The following ZSCAN5A variants were observed in gnomAD, a reference collection of about 807,000 sequenced individuals.
ZSCAN5A encodes the protein zinc finger and SCAN domain-containing protein 5A.
A neutral mutation model predicts 23.7 loss-of-function variants in ZSCAN5A; 12 were observed. The observed-to-expected ratio is 0.51, with a 90% CI of 0.32 to 0.82. The LOEUF is 0.82. Ranked by LOEUF, ZSCAN5A falls within the 40% of genes least tolerant of loss-of-function variation. ZSCAN5A has a pLI of 0.03. For missense variants in ZSCAN5A, 597 were observed against 617.9 expected, an observed-to-expected ratio of 0.97 and a Z score of 0.36; for synonymous variants, 257 against 239.9, an observed-to-expected ratio of 1.07 and a Z score of -0.66.
At chr19:56,260,023 A>G (rs1270620378) in intron 2 of ZSCAN5A, among the ~76,000 whole-genome samples, 1 of 152,196 alleles carries the variant, frequency 6.6e-6, no homozygotes, top group Admixed American at 6.5e-5. Context: ...AATGTTTTTA[A>G]AAAGAAAAAA....
chr19:56,247,438 T>C, intron 2 of ZSCAN5A: 1 of 173,004 alleles, frequency 5.8e-6, no homozygotes, highest in South Asian at 1.5e-4. Context: ...GCCTGAAACG[T>C]TAAAATACCA....
Position 56,223,738 on chromosome 19 carries a change from C to G in ZSCAN5A, c.481G>C (p.Val161Leu), listed in dbSNP as rs368509037. The G allele has an allele frequency of 1.2e-6, 2 of 1,613,928 alleles. No homozygotes were observed. The highest frequency in any genetic ancestry group is 1.6e-4 in the Middle Eastern group (1 of 6,062). Reference sequence around the variant, plus strand: ...ACCGAGGAGGCCCGTTGGCTGGACACGTCTTTCAGATCATCTCTGACACTG... The same window carrying G: ...ACCGAGGAGGCCCGTTGGCTGGACAGGTCTTTCAGATCATCTCTGACACTG... ...PSSVRDDLKD[V>L]SSQRASSVNQ... is the part of the protein sequence containing the mutation. Residue 161 changes from valine (V) to leucine (L), a missense_variant, in exon 4 of 6, where the codon GTG becomes CTG. Physicochemically the swap from Val to Leu is conservative, Grantham distance 32. Coordinates refer to ENST00000683990, the MANE Select transcript of ZSCAN5A (RefSeq NM_001322064.3).
At chr19:56,247,033 C>A in intron 2 of ZSCAN5A, 1 of 896,494 alleles carries the variant, frequency 1.1e-6, no homozygotes, top group Non-Finnish European at 1.9e-6. Context: ...CCCCAATGGC[C>A]AAGAAGCCAA....
intron 1 of ZSCAN5A, among the ~76,000 whole-genome samples, chr19:56,364,168 A>G (rs2041750644): frequency 6.6e-6 from 1 of 152,204 alleles, no homozygotes; most frequent in Non-Finnish European, 1.5e-5. Context: ...CAGGAAAAAA[A>G]TCCTTAAGTC....
chr19:56,342,790 C>A, intron 2 of ZSCAN5A: 1 of 744,834 alleles, frequency 1.3e-6, no homozygotes, highest in South Asian at 1.5e-5. Context: ...ATACAGAGTA[C>A]TGAACTGGGA....
At chr19:56,323,112 T>A (rs1177017722) in intron 2 of ZSCAN5A, among the ~76,000 whole-genome samples, 3 of 152,086 alleles carry the variant, frequency 2.0e-5, no homozygotes, top group African/African-American at 7.2e-5. Flanking sequence ...GCCAGGATGG[T>A]CTCGATCTCC....
intron 2 of ZSCAN5A, among the ~76,000 whole-genome samples, chr19:56,362,157 CAA>C (rs71184352): frequency 0.34 from 30,867 of 90,582 alleles, 3,029 homozygotes; most frequent in Middle Eastern, 0.49. Context: ...GACTCCGTCT[CAA>C]AAAAAAAAAA....
At chr19:56,302,581 C>CCGTTCCTCCCTCCCTCCCCCTCTT (rs1555807487) in intron 2 of ZSCAN5A, among the ~76,000 whole-genome samples, 2 of 40,022 alleles carry the variant, frequency 5.0e-5, no homozygotes, top group African/African-American at 3.5e-4. Context: ...TTCTTCCTCC[C>CCGTTCCTCCCTCCCTCCCCCTCTT]CCTTTTCTTC....
At chr19:56,346,228 A>G (rs2041631623) in intron 2 of ZSCAN5A, among the ~76,000 whole-genome samples, 2 of 152,182 alleles carry the variant, frequency 1.3e-5, no homozygotes, top group Non-Finnish European at 2.9e-5. Flanking sequence ...AACAAACAAC[A>G]ACAACAAAAA....
At chr19:56,321,460 G>C in intron 2 of ZSCAN5A, 2 of 685,036 alleles carry the variant, frequency 2.9e-6, no homozygotes. Context: ...AACACACTTG[G>C]CTTTCATGTC....
chr19:56,287,786 A>G (rs940614205), intron 2 of ZSCAN5A, among the ~76,000 whole-genome samples: 12 of 152,198 alleles, frequency 7.9e-5, no homozygotes, highest in African/African-American at 2.9e-4. Context: ...GGTGGCCACT[A>G]ACAGTAGATT....
intron 2 of ZSCAN5A, among the ~76,000 whole-genome samples, chr19:56,308,271 A>T (rs2147342524): frequency 6.6e-6 from 1 of 151,310 alleles, no homozygotes; most frequent in East Asian, 2.0e-4. Flanking sequence ...TGACCTTGTG[A>T]TCCGCCCGCC....
intron 2 of ZSCAN5A, among the ~76,000 whole-genome samples, chr19:56,280,379 G>A (rs904879521): frequency 1.4e-4 from 22 of 152,060 alleles, no homozygotes; most frequent in Admixed American, 2.6e-4. Context: ...GTTTTCAGTA[G>A]TTTGCTCTTT....
rs1348625983 is a variant in ZSCAN5A, at chr19:56,223,658, G to C, written c.561C>G (p.Pro187=). 2 of 1,613,688 alleles carry C rather than the reference G, an allele frequency of 1.2e-6. No individual in the cohort carries two copies. The highest frequency in any genetic ancestry group is 2.2e-5 in the South Asian group (2 of 91,054). The change falls in exon 4 of 6, where the codon CCC becomes CCG. Residue 187 remains proline, a synonymous_variant. Coordinates refer to ENST00000683990, the MANE Select transcript of ZSCAN5A (RefSeq NM_001322064.3). ...GCCTCCTGGACAATGCAGGGACCCT[G>C]GGCAGGATCTGCAGCTCTCGGTGGG... is the stretch of plus-strand genomic sequence containing the variant. ...GQAHRELQIL[P]RVPALSRRQG...
intron 2 of ZSCAN5A, among the ~76,000 whole-genome samples, chr19:56,260,784 T>G (rs976427525): frequency 6.6e-6 from 1 of 152,178 alleles, no homozygotes; most frequent in Admixed American, 6.5e-5. Flanking sequence ...GAGAGAAGCT[T>G]GGGAAGCCCT....
chr19:56,246,774 A>G (rs1375545183), intron 2 of ZSCAN5A: 2 of 1,598,730 alleles, frequency 1.3e-6, no homozygotes, highest in Non-Finnish European at 1.7e-6. Flanking sequence ...CCAAAAAAAG[A>G]GCCTCTGTCG....
At chr19:56,285,542 T>C (rs2039042725) in intron 2 of ZSCAN5A, among the ~76,000 whole-genome samples, 1 of 152,232 alleles carries the variant, frequency 6.6e-6, no homozygotes, top group African/African-American at 2.4e-5. Context: ...TTTAGTTTTT[T>C]TTCTAATATA....
intron 2 of ZSCAN5A, among the ~76,000 whole-genome samples, chr19:56,306,301 G>A (rs951577285): frequency 8.1e-6 from 1 of 123,774 alleles, no homozygotes; most frequent in Non-Finnish European, 1.8e-5. Context: ...CTCCCGCATC[G>A]CCAGAGAAAG....
At chr19:56,226,930 A>T (rs904095378) in intron 2 of ZSCAN5A, among the ~76,000 whole-genome samples, 4 of 151,914 alleles carry the variant, frequency 2.6e-5, no homozygotes, top group African/African-American at 7.3e-5. Context: ...TTCAAATTAC[A>T]AAAAAAAATT....
Sources: gnomAD v4.1 joint callset for allele counts (sites outside exome capture counted in the v4.1 genomes callset) on GRCh38, gnomAD v4.1.1 for gene constraint, MANE v1.5 for transcripts, NCBI Gene and HGNC (gene_info 2026-07-23, HGNC 2026-07-21) for gene names.